GARNL3: variants seen among roughly 807,000 people sequenced by gnomAD.
GARNL3 encodes GTPase-activating Rap/Ran-GAP domain-like protein 3.
Under a neutral mutation model 125.0 loss-of-function variants are expected in GARNL3, and 63 were observed. The observed-to-expected ratio is 0.50, with a 90% CI of 0.41 to 0.62. The LOEUF is 0.62. Among genes scored for constraint, GARNL3 ranks in the 20% least tolerant of loss-of-function variants. The pLI is 0.00. For synonymous variants in GARNL3, 439 were observed against 457.5 expected (o/e 0.96, Z 0.52); for missense variants, 994 against 1,244.0 (o/e 0.80, Z 3.02).
At chr9:127,338,644 C>T (rs1046777578) in intron 12 of GARNL3, among the ~76,000 whole-genome samples, 2 of 152,004 alleles carry the variant, frequency 1.3e-5, no homozygotes, top group Admixed American at 6.6e-5. Flanking sequence ...GACACTACCC[C>T]GGCAGGTGTA....
chr9:127,258,670 C>T (rs1051638508), upstream of GARNL3, among the ~76,000 whole-genome samples: 1 of 152,102 alleles, frequency 6.6e-6, no homozygotes, highest in African/African-American at 2.4e-5. Flanking sequence ...TTAATGTCAT[C>T]GCATCCCTGC....
chr9:127,236,163 T>C (rs2063109149), intron 1 of GARNL3, among the ~76,000 whole-genome samples: 1 of 152,206 alleles, frequency 6.6e-6, no homozygotes, highest in Non-Finnish European at 1.5e-5. Flanking sequence ...ATATTAAAAC[T>C]GGTTGGACTC....
chr9:127,255,462 A>G (rs1452240090), intron 2 of GARNL3, among the ~76,000 whole-genome samples: 1 of 152,232 alleles, frequency 6.6e-6, no homozygotes, highest in African/African-American at 2.4e-5. Flanking sequence ...ATGAGTAAGT[A>G]CATAGTATAA....
rs1830628525 is a variant in GARNL3 at position 127,355,290 on chromosome 9, C to T, written c.1760-7C>T. The T allele has an allele frequency of 6.2e-7, 1 of 1,612,914 alleles. No homozygotes were observed. ...ATGTGTAAGGCATCATTTCTTTCTC[C>T]TCCCAGGCTGCCACCTGTATGCTAT... On this transcript the variant is annotated splice_region_variant and splice_polypyrimidine_tract_variant and intron_variant, in intron 19 of 27. Coordinates refer to ENST00000373387, the MANE Select transcript of GARNL3 (RefSeq NM_032293.5).
intron 15 of GARNL3, among the ~76,000 whole-genome samples, chr9:127,344,574 G>A (rs967548577): frequency 1.3e-5 from 2 of 152,174 alleles, no homozygotes; most frequent in African/African-American, 4.8e-5. Flanking sequence ...CTGCCTCAAG[G>A]CAAGTAGCCA....
intron 2 of GARNL3, among the ~76,000 whole-genome samples, chr9:127,256,245 G>A (rs1333102434): frequency 6.6e-6 from 1 of 152,178 alleles, no homozygotes; most frequent in Non-Finnish European, 1.5e-5. Flanking sequence ...GAAGAATTAA[G>A]AAAGGAGGGA....
In GARNL3 at chr9:127,239,856, G is replaced by A. The variant is rs555567129; in HGVS notation, c.-28-3223G>A. On this transcript the variant is annotated intron_variant, in intron 1 of 10. Transcript: ENST00000439286. Reference sequence around the variant, plus strand: ...GCAAAAAAAGAACTCTAAGAGTAACGATGCCAAAAAGATAAAATTAAATGA... The same window carrying A: ...GCAAAAAAAGAACTCTAAGAGTAACAATGCCAAAAAGATAAAATTAAATGA... Among the ~76,000 whole-genome samples the A allele has an allele frequency of 3.1e-4, 47 of 152,178 alleles. No individual in the cohort carries two copies. The East Asian group carries it at 7.3e-3, about 24-fold the overall frequency.
chr9:127,224,897 C>T (rs1417173038), intron 1 of GARNL3, among the ~76,000 whole-genome samples: 3 of 75,176 alleles, frequency 4.0e-5, no homozygotes, highest in Non-Finnish European at 8.2e-5. Context: ...AGGGGCGTTA[C>T]CGGAGCGCGG....
chr9:127,329,900 C>G (rs887791438), intron 7 of GARNL3, among the ~76,000 whole-genome samples: 2 of 152,146 alleles, frequency 1.3e-5, no homozygotes, highest in African/African-American at 4.8e-5. Flanking sequence ...CAGTTTATGG[C>G]TCAGAGTTAT....
chr9:127,297,220 C>T (rs1473827912), intron 2 of GARNL3, among the ~76,000 whole-genome samples: 1 of 152,134 alleles, frequency 6.6e-6, no homozygotes, highest in African/African-American at 2.4e-5. Context: ...CTCAATGAAG[C>T]CTCGACCTCC....
At chr9:127,260,550 A>T (rs1251452403), upstream of GARNL3, among the ~76,000 whole-genome samples, 1 of 152,214 alleles carries the variant, frequency 6.6e-6, no homozygotes, top group Non-Finnish European at 1.5e-5. Flanking sequence ...AGGGATTGAC[A>T]AACTTTTTCT....
chr9:127,281,061 A>G (rs1564876422), intron 1 of GARNL3, among the ~76,000 whole-genome samples: 1 of 152,146 alleles, frequency 6.6e-6, no homozygotes, highest in South Asian at 2.1e-4. Context: ...GGTGTGAGCG[A>G]GTGACTTGAC....
chr9:127,343,108 A>T (rs2131614047), intron 14 of GARNL3, among the ~76,000 whole-genome samples: 1 of 152,080 alleles, frequency 6.6e-6, no homozygotes, highest in South Asian at 2.1e-4. Flanking sequence ...CATGGTAGTC[A>T]GGCTGGTCTC....
intron 9 of GARNL3, among the ~76,000 whole-genome samples, chr9:127,333,540 TAC>T (rs1263765568): frequency 1.3e-5 from 2 of 152,252 alleles, no homozygotes; most frequent in East Asian, 3.9e-4. Flanking sequence ...GAAGAAAAAG[TAC>T]AGAGTGCTAT....
At chr9:127,281,032 G>A (rs920449431) in intron 1 of GARNL3, among the ~76,000 whole-genome samples, 1 of 152,182 alleles carries the variant, frequency 6.6e-6, no homozygotes, top group Non-Finnish European at 1.5e-5. Flanking sequence ...CAGAAAAAGA[G>A]TGAGAGTTCA....
intron 1 of GARNL3, among the ~76,000 whole-genome samples, chr9:127,281,244 T>C (rs1390047410): frequency 2.0e-5 from 3 of 152,024 alleles, no homozygotes; most frequent in Non-Finnish European, 2.9e-5. Flanking sequence ...GAGGATGCTG[T>C]TGGAGTTAGG....
chr9:127,364,925 T>C lies in GARNL3; in HGVS notation c.2095-375T>C, dbSNP rs1015061112. ...TAATTATACCATAATGTCAATAATATTAGGTTGATGCAAAAGTAATTGCAG... is the reference window on the plus strand; with the variant it reads ...TAATTATACCATAATGTCAATAATACTAGGTTGATGCAAAAGTAATTGCAG... On this transcript the variant is annotated intron_variant, in intron 21 of 27. Transcript: ENST00000373387. The surrounding 1 kb of genome is among the most constrained non-coding windows in gnomAD (Gnocchi z 4.2). 9.2e-6 allele frequency: 2 copies of C among 216,618 alleles called. No individual in the cohort carries two copies. Among genetic ancestry groups the C allele is most frequent in the East Asian group, 1.2e-4 (1 of 8,182 alleles). 13.4% of individuals were successfully genotyped at this position (216,618 alleles called of 1,614,324 possible). A position where few individuals can be genotyped will look rare whatever the true frequency, so the allele number is the denominator to read the frequency against.
At chr9:127,334,992 C>T (rs977316603) in intron 9 of GARNL3, among the ~76,000 whole-genome samples, 11 of 152,200 alleles carry the variant, frequency 7.2e-5, no homozygotes, top group Non-Finnish European at 1.5e-4. Flanking sequence ...CTTCTTATGA[C>T]CTTCTCCATT....
intron 22 of GARNL3, chr9:127,366,793 C>T (rs1162368771): frequency 1.3e-5 from 2 of 152,212 alleles, no homozygotes; most frequent in African/African-American, 4.8e-5. Context: ...TGGAACAGGC[C>T]GGGCTCCTCA....
Sources: gnomAD v4.1 joint callset for allele counts (sites outside exome capture counted in the v4.1 genomes callset) on GRCh38, gnomAD v4.1.1 for gene constraint, Gnocchi (gnomAD v3.1) non-coding constraint, MANE v1.5 for transcripts, NCBI Gene and HGNC (gene_info 2026-07-23, HGNC 2026-07-21) for gene names.